The following ABCA12 variants were observed in gnomAD, a reference collection of about 807,000 sequenced individuals.
ABCA12 encodes the protein glucosylceramide transporter ABCA12.
ABCA12 carries 156 observed loss-of-function variants against 293.5 expected under a neutral mutation model. That is an observed-to-expected ratio of 0.53 (90% confidence interval 0.47 to 0.61). The LOEUF (loss-of-function observed/expected upper bound fraction) is 0.61, where lower values mean the gene tolerates loss of function less well. ABCA12 is among the 20% of genes least tolerant of loss of function. The probability of loss-of-function intolerance (pLI) is 0.00; values close to 1 mark genes in which losing one functional copy is unlikely to be tolerated. For missense variants in ABCA12, 2,797 were observed against 3,090.2 expected (o/e 0.91, Z 2.25); for synonymous variants, 1,063 against 1,108.0 (o/e 0.96, Z 0.81).
intron 26 of ABCA12, 93 bp downstream of exon 26, chr2:214,989,235 AT>A: frequency 2.8e-6 from 2 of 706,536 alleles, no homozygotes; most frequent in Non-Finnish European, 3.6e-6. Flanking sequence ...TAATTTAAAA[AT>A]TTTTTGCAAA....
At position 214,948,698 on chromosome 2, in the gene ABCA12, G is replaced by A; in HGVS notation, c.7002C>T (p.Gly2334=). The stretch of plus-strand genomic sequence containing the variant: ...CTAAGGCATCTTCCTGAGGACAGTA[G>A]CCAACTAATGAGCTGTGAGAATCAA... ...GHVDSHSSLV[G]YCPQEDALDD... The change falls in exon 47 of 53, where the codon GGC becomes GGT. Residue 2334 remains glycine (G), a synonymous_variant. Transcript: ENST00000272895. The A allele has an allele frequency of 6.2e-7, 1 of 1,614,062 alleles. No homozygotes were observed. The highest frequency in any genetic ancestry group is 8.5e-7 in the Non-Finnish European group (1 of 1,179,986).
At chr2:215,074,679 C>T (rs915917352) in intron 2 of ABCA12, among the ~76,000 whole-genome samples, 1 of 152,126 alleles carries the variant, frequency 6.6e-6, no homozygotes, top group Non-Finnish European at 1.5e-5. Context: ...CGTGGAGGCT[C>T]ACGCCTGTAA....
At chr2:214,997,909 C>G (rs1326748) in intron 22 of ABCA12, 100 bp from the exon 23 acceptor site, 754,124 of 754,662 alleles carry the variant, frequency 1, 376,796 homozygotes, top group East Asian at 1. Context: ...TTACATTGAA[C>G]TTATGATCGT....
At chr2:214,949,474 C>G (rs1312543608) in intron 45 of ABCA12, among the ~76,000 whole-genome samples, 1 of 151,672 alleles carries the variant, frequency 6.6e-6, no homozygotes, top group African/African-American at 2.4e-5. Flanking sequence ...CAAATAAGAT[C>G]TGCTAACCCA....
intron 23 of ABCA12, among the ~76,000 whole-genome samples, chr2:214,995,586 T>A (rs911140559): frequency 6.6e-6 from 1 of 152,138 alleles, no homozygotes; most frequent in East Asian, 1.9e-4. Context: ...GAGCTGAACC[T>A]TACATCTTTA....
chr2:214,981,966 A>ATTTTTTTTTT (rs1699672786), intron 30 of ABCA12, among the ~76,000 whole-genome samples: 1 of 112,880 alleles, frequency 8.9e-6, no homozygotes, highest in Admixed American at 1.1e-4. Context: ...TATTATTATT[A>ATTTTTTTTTT]TTATTATTAT....
intron 36 of ABCA12, among the ~76,000 whole-genome samples, chr2:214,972,974 C>T (rs1699421106): frequency 6.6e-6 from 1 of 151,940 alleles, no homozygotes; most frequent in South Asian, 2.1e-4. Context: ...TCACCATGCC[C>T]AGCAAATTTT....
Position 214,934,073 on chromosome 2 carries a change from C to CT in ABCA12, c.7680+4dup. Reference sequence around the variant, plus strand: ...TGTGCACATGGATCGTGGTATATATCTTACCTCTTCCAGAGTGGTCTGACT... The same window carrying CT: ...TGTGCACATGGATCGTGGTATATATCTTTACCTCTTCCAGAGTGGTCTGACT... On this transcript the variant is annotated splice_donor_region_variant and intron_variant, in intron 52 of 52. Coordinates refer to ENST00000272895, the MANE Select transcript of ABCA12 (RefSeq NM_173076.3). The CT allele has an allele frequency of 6.2e-7, 1 of 1,613,064 alleles. No homozygotes were observed. The highest frequency in any genetic ancestry group is 8.5e-7 in the Non-Finnish European group (1 of 1,179,334).
intron 14 of ABCA12, among the ~76,000 whole-genome samples, chr2:215,016,439 CGGGCGTGGTGGCGGGTGCCTGT>C (rs1700501511): frequency 6.6e-6 from 1 of 150,732 alleles, no homozygotes; most frequent in South Asian, 2.1e-4. Context: ...AAAAATTAGC[CGGGCGTGGTGGCGGGTGCCTGT>C]AGTCCCAGCT....
intron 7 of ABCA12, among the ~76,000 whole-genome samples, chr2:215,038,773 T>A (rs535036076): frequency 9.2e-5 from 14 of 152,318 alleles, no homozygotes; most frequent in African/African-American, 3.4e-4. Context: ...CATTTGACAA[T>A]CTCATTAAAT....
rs2105937978 is a variant in ABCA12 at position 214,959,188 on chromosome 2, T to C, written c.5885-110A>G. ...CCTCCTTATATTATTATCTAAACAA[T>C]TTTATTTGGGGGACCTTTTTTTTTT... On this transcript the variant is annotated intron_variant, in intron 39 of 52. Coordinates refer to ENST00000272895, the MANE Select transcript of ABCA12 (RefSeq NM_173076.3). 11 of 1,004,754 alleles carry C rather than the reference T, an allele frequency of 1.1e-5. No individual in the cohort carries two copies. The South Asian group carries it at 1.5e-4, about 14-fold the overall frequency. 62.2% of individuals were successfully genotyped at this position (1,004,754 alleles called of 1,614,324 possible). A position where few individuals can be genotyped will look rare whatever the true frequency, so the allele number is the denominator to read the frequency against.
intron 6 of ABCA12, among the ~76,000 whole-genome samples, chr2:215,047,521 A>G (rs1043544738): frequency 2.6e-5 from 4 of 152,154 alleles, no homozygotes; most frequent in Non-Finnish European, 5.9e-5. Flanking sequence ...TGACAAAAAC[A>G]AGCCATGGGG....
At chr2:214,991,831 G>A (rs760620976) in intron 23 of ABCA12, among the ~76,000 whole-genome samples, 6 of 152,042 alleles carry the variant, frequency 3.9e-5, no homozygotes, top group Non-Finnish European at 7.4e-5. Context: ...AACTCAAAAG[G>A]ATTCTGAAAG....
intron 2 of ABCA12, among the ~76,000 whole-genome samples, chr2:215,068,236 GT>G (rs757541722): frequency 1.3e-5 from 2 of 152,162 alleles, no homozygotes; most frequent in Non-Finnish European, 2.9e-5. Context: ...ATCAGTCTGT[GT>G]TTTAATAAGC....
chr2:215,116,240 A>G (rs751851182), intron 1 of ABCA12, among the ~76,000 whole-genome samples: 4 of 152,210 alleles, frequency 2.6e-5, no homozygotes, highest in Admixed American at 6.5e-5. Flanking sequence ...TTCTTTGTCC[A>G]ATTCCTGAAA....
At chr2:215,100,824 A>T (rs956869391) in intron 2 of ABCA12, among the ~76,000 whole-genome samples, 1 of 152,102 alleles carries the variant, frequency 6.6e-6, no homozygotes, top group African/African-American at 2.4e-5. Flanking sequence ...AGATTTTAAC[A>T]TTTCTCATTC....
chr2:215,000,919 G>C lies in ABCA12; in HGVS notation c.2965C>G (p.Leu989Val). ...PVIKYTIRMS[L>V]KTAQTTRSLR... ...CTTCTTGTGGTCTGTGCGGTCTTGA[G>C]ACTCATCCGGATGGTATATTTTATG... The change falls in exon 22 of 53, where the codon CTC becomes GTC. Residue 989 changes from leucine to valine, a missense_variant. Coordinates refer to ENST00000272895, the MANE Select transcript of ABCA12 (RefSeq NM_173076.3). 1 of 1,614,108 alleles carries C rather than the reference G, an allele frequency of 6.2e-7. No individual in the cohort carries two copies. Among genetic ancestry groups the C allele is most frequent in the Non-Finnish European group, 8.5e-7 (1 of 1,180,002 alleles).
chr2:215,089,628 A>C (rs1702101851), intron 2 of ABCA12, among the ~76,000 whole-genome samples: 1 of 152,202 alleles, frequency 6.6e-6, no homozygotes, highest in South Asian at 2.1e-4. Flanking sequence ...AGGTCGCTAA[A>C]GATTTTAGGA....
At chr2:214,991,484 T>C (rs1222415633) in intron 23 of ABCA12, among the ~76,000 whole-genome samples, 1 of 152,166 alleles carries the variant, frequency 6.6e-6, no homozygotes, top group African/African-American at 2.4e-5. Flanking sequence ...TCCATAATTT[T>C]TTTTTTTACT....
Sources: allele counts gnomAD v4.1 joint callset (sites outside exome capture counted in the v4.1 genomes callset), GRCh38; gene constraint gnomAD v4.1.1; transcripts MANE v1.5; gene names NCBI Gene and HGNC (gene_info 2026-07-23, HGNC 2026-07-21).